The following CNTN5 variants were observed in gnomAD, a reference collection of about 807,000 sequenced individuals.
CNTN5 encodes contactin-5.
In CNTN5, 77 loss-of-function variants were observed where a neutral mutation model predicts 129.1. The observed-to-expected ratio is 0.60, with a 90% CI of 0.50 to 0.72. The LOEUF is 0.72. CNTN5 is among the 30% of genes least tolerant of loss of function. The pLI is 0.00. For missense variants in CNTN5, 1,478 were observed against 1,328.8 expected (o/e 1.11, Z -1.75); for synonymous variants, 509 against 465.6 (o/e 1.09, Z -1.20).
chr11:99,869,146 G>A (rs991498525), intron 6 of CNTN5, among the ~76,000 whole-genome samples: 29 of 152,248 alleles, frequency 1.9e-4, no homozygotes, highest in Admixed American at 3.9e-4. Context: ...ACTTTAAAAG[G>A]ATCATTTCCT....
At chr11:99,417,607 A>C (rs1437797296) in intron 2 of CNTN5, among the ~76,000 whole-genome samples, 1 of 151,932 alleles carries the variant, frequency 6.6e-6, no homozygotes, top group East Asian at 1.9e-4. Context: ...TTTTATGTTA[A>C]ATTGTACTAT....
At chr11:99,239,863 G>A (rs2135753471) in intron 1 of CNTN5, among the ~76,000 whole-genome samples, 1 of 151,868 alleles carries the variant, frequency 6.6e-6, no homozygotes, top group African/African-American at 2.4e-5. Context: ...CGGGAACCCG[G>A]GAGGCGGAGC....
intron 23 of CNTN5, among the ~76,000 whole-genome samples, chr11:100,343,941 C>T (rs1424156334): frequency 6.6e-6 from 1 of 152,078 alleles, no homozygotes; most frequent in South Asian, 2.1e-4. Context: ...ATTTCTCTTC[C>T]CACAAGGTAG....
intron 4 of CNTN5, among the ~76,000 whole-genome samples, chr11:99,828,872 G>A (rs909967028): frequency 2.0e-5 from 3 of 152,084 alleles, no homozygotes; most frequent in African/African-American, 4.8e-5. Flanking sequence ...CCATCTAAAT[G>A]TGAGCTTTTG....
chr11:100,192,859 A>G (rs1033250439), intron 14 of CNTN5, among the ~76,000 whole-genome samples: 1 of 152,042 alleles, frequency 6.6e-6, no homozygotes, highest in East Asian at 1.9e-4. Flanking sequence ...CTTTCTTTAT[A>G]TATGCCAATT....
rs552311763 is a variant in CNTN5, at chr11:99,031,120, C to T, written c.-210+9850C>T. 1.3e-3 allele frequency among the ~76,000 whole-genome samples: 202 copies of T among 151,974 alleles called. 1 individual carries two copies. Among genetic ancestry groups the T allele is most frequent in the African/African-American group, 4.7e-3 (193 of 41,476 alleles). ...CCTAATGCTAACTCTTTAAAACAAA[C>T]TGAAACTGAAATCTTTTAAATTGTG... On this transcript the variant is annotated intron_variant, in intron 1 of 24. Coordinates refer to ENST00000524871, the MANE Select transcript of CNTN5 (RefSeq NM_014361.4).
chr11:99,367,015 G>T (rs980306663), intron 2 of CNTN5, among the ~76,000 whole-genome samples: 1 of 152,092 alleles, frequency 6.6e-6, no homozygotes, highest in Non-Finnish European at 1.5e-5. Context: ...ATTTGTTTTT[G>T]ATAGAATAGA....
At chr11:99,254,914 T>A (rs1274166230) in intron 1 of CNTN5, among the ~76,000 whole-genome samples, 1 of 151,892 alleles carries the variant, frequency 6.6e-6, no homozygotes, top group Non-Finnish European at 1.5e-5. Flanking sequence ...GGGGGAAAAT[T>A]AAGCATTTAT....
intron 2 of CNTN5, among the ~76,000 whole-genome samples, chr11:99,541,603 G>C (rs1378406630): frequency 6.6e-6 from 1 of 152,100 alleles, no homozygotes; most frequent in East Asian, 1.9e-4. Context: ...CTCAAATCAT[G>C]TTTTGATGTG....
At chr11:99,220,057 T>C (rs554612938) in intron 1 of CNTN5, among the ~76,000 whole-genome samples, 2 of 152,062 alleles carry the variant, frequency 1.3e-5, no homozygotes, top group East Asian at 3.9e-4. Flanking sequence ...TTCCAGACAC[T>C]CATTCCTGTC....
At chr11:99,674,777 C>G (rs1160433348) in intron 3 of CNTN5, among the ~76,000 whole-genome samples, 1 of 152,118 alleles carries the variant, frequency 6.6e-6, no homozygotes, top group Non-Finnish European at 1.5e-5. Context: ...GAACACTTGC[C>G]TAATAACACC....
rs59508251 is a variant in CNTN5 at position 99,772,809 on chromosome 11, C to A, written c.56-46735C>A. Reference sequence around the variant, plus strand: ...AATGGGGAAGAAAAGGGCAGTACTTCCAGTCTTTATCTGTGGCACACATAC... The same window carrying A: ...AATGGGGAAGAAAAGGGCAGTACTTACAGTCTTTATCTGTGGCACACATAC... On this transcript the variant is annotated intron_variant, in intron 3 of 24. Coordinates refer to ENST00000524871, the MANE Select transcript of CNTN5 (RefSeq NM_014361.4). 0.011 allele frequency among the ~76,000 whole-genome samples: 1,610 copies of A among 152,090 alleles called. 66 individuals carry two copies. In the East Asian group the frequency reaches 0.13, roughly 12 times the overall value.
chr11:99,893,241 C>T (rs963635258), intron 6 of CNTN5, among the ~76,000 whole-genome samples: 45 of 152,132 alleles, frequency 3.0e-4, no homozygotes, highest in African/African-American at 9.9e-4. Context: ...GTGTCATTTT[C>T]TTCCCCAACT....
intron 16 of CNTN5, among the ~76,000 whole-genome samples, chr11:100,252,160 A>G (rs1479367647): frequency 6.6e-6 from 1 of 152,102 alleles, no homozygotes; most frequent in Non-Finnish European, 1.5e-5. Context: ...CATTTCCCTG[A>G]TTATCAGTGA....
intron 9 of CNTN5, among the ~76,000 whole-genome samples, chr11:100,057,984 G>A (rs976539336): frequency 1.3e-5 from 2 of 152,016 alleles, no homozygotes; most frequent in East Asian, 1.9e-4. Context: ...GAAATGAAAT[G>A]TTAAGTTACT....
At chr11:99,355,121 T>C (rs1938552353) in intron 2 of CNTN5, among the ~76,000 whole-genome samples, 1 of 152,234 alleles carries the variant, frequency 6.6e-6, no homozygotes, top group Non-Finnish European at 1.5e-5. Context: ...ACTTTCCTAC[T>C]GTGTTATCTT....
chr11:99,558,000 A>G (rs1310467766), intron 3 of CNTN5, among the ~76,000 whole-genome samples: 1 of 151,864 alleles, frequency 6.6e-6, no homozygotes, highest in Admixed American at 6.6e-5. Context: ...CACGTTGCTT[A>G]CAGAAAAAAC....
intron 18 of CNTN5, among the ~76,000 whole-genome samples, chr11:100,289,870 C>G (rs1352704813): frequency 6.7e-6 from 1 of 150,334 alleles, no homozygotes; most frequent in Non-Finnish European, 1.5e-5. Context: ...CCCATTGTCT[C>G]AGCCCAAAAT....
At chr11:99,129,266 T>C (rs1440916948) in intron 1 of CNTN5, among the ~76,000 whole-genome samples, 1 of 152,152 alleles carries the variant, frequency 6.6e-6, no homozygotes, top group Admixed American at 6.5e-5. Context: ...ATAAATGACC[T>C]GATGGAGCTG....
Sources: gnomAD v4.1 joint callset for allele counts (sites outside exome capture counted in the v4.1 genomes callset) on GRCh38, gnomAD v4.1.1 for gene constraint, MANE v1.5 for transcripts, NCBI Gene and HGNC (gene_info 2026-07-23, HGNC 2026-07-21) for gene names.